Variants in DAB1 observed in about 807,000 individuals in gnomAD.
DAB1 encodes DAB adaptor protein 1.
DAB1 carries 15 observed loss-of-function variants against 64.6 expected under a neutral mutation model. That is an observed-to-expected ratio of 0.23 (90% CI 0.16 to 0.36). The LOEUF (loss-of-function observed/expected upper bound fraction) is 0.36. DAB1 is among the 10% of genes least tolerant of loss of function. The pLI, the probability that DAB1 is intolerant of heterozygous loss-of-function variation, is 1.00. For missense variants in DAB1, 596 were observed against 706.7 expected (o/e 0.84, Z 1.78); for synonymous variants, 235 against 251.9 (o/e 0.93, Z 0.64).
intron 3 of DAB1, among the ~76,000 whole-genome samples, chr1:58,503,739 T>C (rs1016900264): frequency 3.9e-5 from 6 of 152,098 alleles, no homozygotes; most frequent in Admixed American, 3.3e-4. Flanking sequence ...ACCAAATCTG[T>C]TGGAAATTGG....
chr1:57,975,535 G>A (rs544723491), intron 5 of DAB1, among the ~76,000 whole-genome samples: 1 of 152,310 alleles, frequency 6.6e-6, no homozygotes, highest in Non-Finnish European at 1.5e-5. Context: ...TGATGCAAGG[G>A]AAAAGAATGT....
At chr1:57,301,094 C>CAA (rs367921486) in intron 1 of DAB1, among the ~76,000 whole-genome samples, 5 of 141,664 alleles carry the variant, frequency 3.5e-5, no homozygotes, top group African/African-American at 7.8e-5. Context: ...AATGAATCTT[C>CAA]AAAAAAAAAA....
chr1:57,606,645 T>TATATAATATATGAA (rs1645653175), intron 7 of DAB1, among the ~76,000 whole-genome samples: 1 of 112,472 alleles, frequency 8.9e-6, no homozygotes, highest in African/African-American at 3.7e-5. Context: ...ATATATGAAA[T>TATATAATATATGAA]ATATATTATG....
At chr1:58,314,237 A>G (rs1414442786) in intron 4 of DAB1, among the ~76,000 whole-genome samples, 1 of 152,124 alleles carries the variant, frequency 6.6e-6, no homozygotes, top group East Asian at 1.9e-4. Context: ...AGGCCCCAGG[A>G]CACACTCCAA....
At chr1:57,172,115 C>T (rs1661828871) in intron 2 of DAB1, among the ~76,000 whole-genome samples, 2 of 152,148 alleles carry the variant, frequency 1.3e-5, no homozygotes, top group African/African-American at 4.8e-5. Flanking sequence ...ACATGAAGTT[C>T]TCATGATGTT....
intron 1 of DAB1, among the ~76,000 whole-genome samples, chr1:57,329,950 C>T (rs1267426581): frequency 1.3e-5 from 2 of 152,140 alleles, no homozygotes; most frequent in Non-Finnish European, 2.9e-5. Flanking sequence ...AAACCACATC[C>T]CTCAAATGAG....
At chr1:57,196,176 A>T (rs1243437984) in intron 2 of DAB1, among the ~76,000 whole-genome samples, 1 of 152,190 alleles carries the variant, frequency 6.6e-6, no homozygotes, top group Non-Finnish European at 1.5e-5. Context: ...ATGTCTCAAA[A>T]TGTAGACTTT....
intron 4 of DAB1, among the ~76,000 whole-genome samples, chr1:57,116,962 C>A (rs148957968): frequency 1.9e-4 from 29 of 152,072 alleles, no homozygotes; most frequent in African/African-American, 6.5e-4. Context: ...TACTTCATCC[C>A]GGCACTCTGC....
At chr1:57,741,282 A>G (rs577017790) in intron 6 of DAB1, among the ~76,000 whole-genome samples, 1 of 152,288 alleles carries the variant, frequency 6.6e-6, no homozygotes, top group Admixed American at 6.5e-5. Flanking sequence ...AATATTAACA[A>G]TAATAAAAAA....
intron 5 of DAB1, among the ~76,000 whole-genome samples, chr1:57,895,089 A>G (rs1363779620): frequency 6.6e-6 from 1 of 152,186 alleles, no homozygotes; most frequent in Non-Finnish European, 1.5e-5. Context: ...TAAAAAAAAA[A>G]AAAGTAGATA....
chr1:57,693,752 C>G (rs6696771), intron 6 of DAB1, among the ~76,000 whole-genome samples: 75,452 of 151,888 alleles, frequency 0.5, 18,971 homozygotes, highest in East Asian at 0.7. Context: ...ACAAACTCAC[C>G]AGAAGGAAGA....
At chr1:57,371,380 C>A (rs1680483332) in intron 1 of DAB1, among the ~76,000 whole-genome samples, 1 of 152,166 alleles carries the variant, frequency 6.6e-6, no homozygotes, top group Non-Finnish European at 1.5e-5. Flanking sequence ...TGCCAGGTAG[C>A]CGTTCAGCCA....
At chr1:58,370,967 G>C (rs1644259941) in intron 3 of DAB1, among the ~76,000 whole-genome samples, 3 of 152,166 alleles carry the variant, frequency 2.0e-5, no homozygotes, top group Non-Finnish European at 4.4e-5. Flanking sequence ...TGTGAAAACA[G>C]ATTAATACAG....
At chr1:58,418,839 T>C (rs1644745902) in intron 3 of DAB1, among the ~76,000 whole-genome samples, 1 of 152,154 alleles carries the variant, frequency 6.6e-6, no homozygotes, top group Admixed American at 6.5e-5. Context: ...AGATAAGTCA[T>C]TTCATCTTTC....
chr1:57,123,231 G>A (rs189678967), intron 4 of DAB1, among the ~76,000 whole-genome samples: 6 of 152,032 alleles, frequency 3.9e-5, no homozygotes, highest in East Asian at 1.9e-4. Context: ...TAACACCTTG[G>A]GAATGATAGG....
chr1:58,467,919 TTTTG>T lies in DAB1; in HGVS notation n.257+38137_257+38140del, dbSNP rs532731644. 1,391 of 152,908 alleles carry T rather than the reference TTTTG, an allele frequency of 9.1e-3. 4 individuals are homozygous for T. The highest frequency in any genetic ancestry group is 0.031 in the South Asian group (148 of 4,852). 9.5% of individuals were successfully genotyped at this position (152,908 alleles called of 1,614,324 possible). On this transcript the variant is annotated intron_variant and non_coding_transcript_variant, in intron 3 of 20. Transcript: ENST00000485760. ...TCTTTCATTAGTGTGTTTTTGGTTT[TTTTG>T]TTTGTTTGTTTGTTTGTTTTGAGAT...
chr1:57,030,533 G>A (rs748559066), intron 9 of DAB1, among the ~76,000 whole-genome samples: 2 of 152,256 alleles, frequency 1.3e-5, no homozygotes, highest in Non-Finnish European at 2.9e-5. Flanking sequence ...GCAGTTCACT[G>A]TTACCAACAT....
chr1:57,262,269 G>C (rs1297468481), intron 2 of DAB1, among the ~76,000 whole-genome samples: 1 of 152,316 alleles, frequency 6.6e-6, no homozygotes, highest in South Asian at 2.1e-4. Context: ...TTCTGTGGCA[G>C]AGGCCACATT....
At chr1:57,327,182 C>T (rs1676236274) in intron 1 of DAB1, among the ~76,000 whole-genome samples, 1 of 152,034 alleles carries the variant, frequency 6.6e-6, no homozygotes, top group Non-Finnish European at 1.5e-5. Context: ...CTCACGTGAT[C>T]CTCTTACCTC....
Sources: allele counts gnomAD v4.1 joint callset (sites outside exome capture counted in the v4.1 genomes callset), GRCh38; gene constraint gnomAD v4.1.1; transcripts MANE v1.5; gene names NCBI Gene and HGNC (gene_info 2026-07-23, HGNC 2026-07-21).